The following GIT1 variants were observed in gnomAD, a reference collection of about 807,000 sequenced individuals.
The protein encoded by GIT1 is ARF GTPase-activating protein GIT1.
GIT1 carries 14 observed loss-of-function variants against 91.7 expected under a neutral mutation model. That is an observed-to-expected ratio of 0.15 (90% CI 0.10 to 0.24). The LOEUF is 0.24. Ranked by LOEUF, GIT1 falls within the 10% of genes least tolerant of loss-of-function variation. GIT1 has a pLI of 1.00. For synonymous variants in GIT1, 414 were observed against 418.2 expected (o/e 0.99, Z 0.12); for missense variants, 717 against 1,024.9 (o/e 0.70, Z 4.10).
intron 1 of GIT1, chr17:29,583,898 C>A (rs1230470487): frequency 2.3e-6 from 1 of 442,460 alleles, no homozygotes; most frequent in Non-Finnish European, 4.0e-6. Context: ...TCCTGCCCTG[C>A]AGCCACTGCT....
intron 7 of GIT1, among the ~76,000 whole-genome samples, chr17:29,579,759 T>C (rs2033336276): frequency 1.3e-5 from 2 of 151,746 alleles, no homozygotes; most frequent in East Asian, 3.9e-4. Context: ...TTGCATACAT[T>C]CTTATCTAAT....
intron 10 of GIT1, 52 bp downstream of exon 10, chr17:29,577,593 G>A: frequency 4.3e-6 from 5 of 1,165,788 alleles, no homozygotes; most frequent in Non-Finnish European, 6.5e-6. Context: ...GGATGAGGAG[G>A]GACCGCGGGG....
rs779128622 is a variant in GIT1 at position 29,578,341 on chromosome 17, T to C, written c.841A>G (p.Met281Val). The change falls in exon 9 of 20, where the codon ATG becomes GTG. Residue 281 changes from methionine (M) to valine (V), a missense_variant. Transcript: ENST00000225394. ...LSNRLFEELAMDVYDEVDRRE... is the reference protein window; with the variant it reads ...LSNRLFEELAVDVYDEVDRRE... The stretch of plus-strand genomic sequence containing the variant: ...CGATCCACCTCGTCATACACGTCCA[T>C]GGCGAGTTCCTCAAAAAGCCGGTTG... 5.6e-6 allele frequency: 9 copies of C among 1,614,046 alleles called. No individual in the cohort carries two copies. The highest frequency in any genetic ancestry group is 7.6e-6 in the Non-Finnish European group (9 of 1,180,018).
Position 29,576,008 on chromosome 17 carries a change from G to T in GIT1, c.1665+70C>A. ...CTAATCATCTTAAGCCCCGAATTCA[G>T]CACAGAGCCCAGAACCCCCTGGGGC... On this transcript the variant is annotated intron_variant, in intron 15 of 19. Transcript: ENST00000225394. The T allele has an allele frequency of 4.5e-6, 7 of 1,568,512 alleles. No individual in the cohort carries two copies. The South Asian group carries it at 7.8e-5, about 17-fold the overall frequency.
At position 29,576,430 on chromosome 17, in the gene GIT1, C is replaced by T. The variant is rs2033204171; in HGVS notation, c.1401G>A (p.Glu467=). ...CTGGAGGCTGCCGGAGCTGCAGGTTCTCCGCCTGCAGCTTGTGGATCTATG... is the reference window on the plus strand; with the variant it reads ...CTGGAGGCTGCCGGAGCTGCAGGTTTTCCGCCTGCAGCTTGTGGATCTATG... ...LQREIHKLQA[E]NLQLRQPPGP... is the part of the protein sequence containing the mutation. Residue 467 remains glutamate (E), a synonymous_variant, in exon 14 of 20, where the codon GAG becomes GAA. Coordinates refer to ENST00000225394, the MANE Select transcript of GIT1 (RefSeq NM_014030.4). The T allele has an allele frequency of 6.2e-7, 1 of 1,612,698 alleles. No individual in the cohort carries two copies. Among genetic ancestry groups the T allele is most frequent in the East Asian group, 2.2e-5 (1 of 44,862 alleles).
Position 29,576,350 on chromosome 17 carries a change from G to T in GIT1, c.1481C>A (p.Ala494Glu). The stretch of plus-strand genomic sequence containing the variant: ...CCTGCGGTGTGTGCTCCCGCCTGGC[G>T]CCATGGGTGTGTGTTCCGCCCGTTC... The part of the protein sequence containing the change: ...PSERAEHTPM[A>E]PGGSTHRRDR... The change falls in exon 14 of 20, where the codon GCG becomes GAG. Residue 494 changes from alanine (A) to glutamate (E), a missense_variant. Ala to Glu is a moderately radical substitution (Grantham distance 107). Coordinates refer to ENST00000225394, the MANE Select transcript of GIT1 (RefSeq NM_014030.4). The T allele has an allele frequency of 1.2e-6, 2 of 1,613,292 alleles. No homozygotes were observed. The highest frequency in any genetic ancestry group is 1.7e-6 in the Non-Finnish European group (2 of 1,179,932).
rs746510074 is a variant in GIT1 at position 29,575,190 on chromosome 17, T to A, written c.2010-48A>T. 3 of 1,561,446 alleles carry A rather than the reference T, an allele frequency of 1.9e-6. No homozygotes were observed. In the South Asian group the frequency reaches 3.5e-5, roughly 18 times the overall value. On this transcript the variant is annotated intron_variant, in intron 18 of 19. Transcript: ENST00000225394. The surrounding 1 kb of genome is among the most constrained non-coding windows in gnomAD (Gnocchi z 5.5). ...AAAGCAGGGGGCTCTCAAGGGAGGT[T>A]CCCAGGGACAGCAGAACCCAGGGCC...
Position 29,589,462 on chromosome 17 carries a change from T to A in GIT1, c.-84A>T, listed in dbSNP as rs1259172381. The A allele has an allele frequency of 1.3e-5, 6 of 450,082 alleles. No homozygotes were observed. The highest frequency in any genetic ancestry group is 1.7e-5 in the Non-Finnish European group (6 of 343,520). 27.9% of individuals were successfully genotyped at this position (450,082 alleles called of 1,614,324 possible). Reference sequence around the variant, plus strand: ...CCCGGGCGGCGGCGGCGGCCCCTGCTGCCCGGCCCGGCTCCGGCGAGGCCC... The same window carrying A: ...CCCGGGCGGCGGCGGCGGCCCCTGCAGCCCGGCCCGGCTCCGGCGAGGCCC... On this transcript the variant is annotated 5_prime_UTR_variant, in exon 1 of 20. Coordinates refer to ENST00000225394, the MANE Select transcript of GIT1 (RefSeq NM_014030.4). The surrounding 1 kb of genome is among the most constrained non-coding windows in gnomAD (Gnocchi z 5.2).
At chr17:29,582,177 T>G (rs1357054530) in intron 4 of GIT1, 33 bp from the exon 5 acceptor site, 2 of 1,472,102 alleles carry the variant, frequency 1.4e-6, no homozygotes, top group Admixed American at 3.9e-5. Context: ...TGAATACGCA[T>G]GTGCGTGAGG....
chr17:29,589,364 C>T lies in GIT1; in HGVS notation c.15G>A (p.Gly5=), dbSNP rs1373966896. Residue 5 remains glycine, a synonymous_variant, in exon 1 of 20, where the codon GGG becomes GGA. Coordinates refer to ENST00000225394, the MANE Select transcript of GIT1 (RefSeq NM_014030.4). The surrounding 1 kb of genome is among the most constrained non-coding windows in gnomAD (Gnocchi z 5.2). MSRK[G]PRAEVCADCS... is the part of the protein sequence containing the mutation. ...AGTCCGCACACACCTCCGCTCGCGG[C>T]CCCTTTCGGGACATCCTCAGCGGCG... The T allele has an allele frequency of 4.2e-5, 46 of 1,086,524 alleles. No homozygotes were observed. Among genetic ancestry groups the T allele is most frequent in the Non-Finnish European group, 5.0e-5 (44 of 884,156 alleles). The allele number at this position is 1,086,524 out of a possible 1,614,324, so 67.3% of individuals were successfully genotyped here.
At position 29,581,607 on chromosome 17, in the gene GIT1, A is replaced by C. The variant is rs1213850027; in HGVS notation, c.718+135T>G. On this transcript the variant is annotated intron_variant, in intron 6 of 19. Coordinates refer to ENST00000225394, the MANE Select transcript of GIT1 (RefSeq NM_014030.4). This position sits in a 1 kb window ranked among gnomAD's most constrained non-coding sequence, Gnocchi z 4.8. ...GGCCCAGAGCCTGCAGTAATTTCAC[A>C]GGAGCCAGTTGCCTAGCAACATTGC... The C allele has an allele frequency of 5.5e-6, 4 of 732,268 alleles. No individual in the cohort carries two copies. The highest frequency in any genetic ancestry group is 7.0e-6 in the Non-Finnish European group (3 of 426,522). 45.4% of individuals were successfully genotyped at this position (732,268 alleles called of 1,614,324 possible). A position where few individuals can be genotyped will look rare whatever the true frequency, so the allele number is the denominator to read the frequency against.
Position 29,582,954 on chromosome 17 carries a change from C to A in GIT1, c.270G>T (p.Arg90=). The change falls in exon 3 of 20, where the codon CGG becomes CGT. Residue 90 remains arginine, a synonymous_variant. Transcript: ENST00000225394. The stretch of plus-strand genomic sequence containing the variant: ...CTTTGTCTTGGGGGTTGGCTTTACG[C>A]CGGCCGCTCTGCACTTGTGCGGGGT... ...LLDPAQVQSG[R]RKANPQDKVH... is the part of the protein sequence containing the mutation. The A allele has an allele frequency of 6.2e-7, 1 of 1,612,234 alleles. No individual in the cohort carries two copies. Among genetic ancestry groups the A allele is most frequent in the Non-Finnish European group, 8.5e-7 (1 of 1,179,632 alleles).
In GIT1 at chr17:29,581,210, G is replaced by A. The variant is rs2150842826; in HGVS notation, c.761+128C>T. ...AGCATTAGGGACTGAGGACTAAGCTGTGCCTCTAGTCTCTGGGGGGAGGGA... is the reference window on the plus strand; with the variant it reads ...AGCATTAGGGACTGAGGACTAAGCTATGCCTCTAGTCTCTGGGGGGAGGGA... On this transcript the variant is annotated intron_variant, in intron 7 of 19. Coordinates refer to ENST00000225394, the MANE Select transcript of GIT1 (RefSeq NM_014030.4). This position sits in a 1 kb window ranked among gnomAD's most constrained non-coding sequence, Gnocchi z 4.8. 2 of 735,480 alleles carry A rather than the reference G, an allele frequency of 2.7e-6. No homozygotes were observed. Among genetic ancestry groups the A allele is most frequent in the African/African-American group, 1.7e-5 (1 of 57,952 alleles). 45.6% of individuals were successfully genotyped at this position (735,480 alleles called of 1,614,324 possible). A position where few individuals can be genotyped will look rare whatever the true frequency, so the allele number is the denominator to read the frequency against.
chr17:29,580,247 G>C (rs2033351197), intron 7 of GIT1, among the ~76,000 whole-genome samples: 1 of 152,230 alleles, frequency 6.6e-6, no homozygotes, highest in South Asian at 2.1e-4. Context: ...GTTGAATGGA[G>C]CCCATATTTG....
At chr17:29,577,074 C>G in intron 11 of GIT1, 62 bp downstream of exon 11, 1 of 1,606,184 alleles carries the variant, frequency 6.2e-7, no homozygotes. Flanking sequence ...CAGGGAGAGC[C>G]ATGCAGGAAA....
At position 29,576,208 on chromosome 17, in the gene GIT1, T is replaced by C. The variant is rs762198559; in HGVS notation, c.1611+12A>G. 1.2e-6 allele frequency: 2 copies of C among 1,605,710 alleles called. No homozygotes were observed. Among genetic ancestry groups the C allele is most frequent in the South Asian group, 1.1e-5 (1 of 90,932 alleles). ...CCATCTCCCCACACCTTGAGACCCA[T>C]AGGTGACTCACAGTGCTGTGGAAAG... On this transcript the variant is annotated intron_variant, in intron 14 of 19. Transcript: ENST00000225394.
At chr17:29,578,635 G>T in intron 8 of GIT1, 96 bp downstream of exon 8, 4 of 1,145,508 alleles carry the variant, frequency 3.5e-6, no homozygotes, top group South Asian at 1.2e-5. Context: ...ACTTGGAAAA[G>T]GTCATCGAGT....
intron 10 of GIT1, 49 bp from the exon 11 acceptor site, chr17:29,577,296 G>C (rs1395972415): frequency 5.4e-5 from 78 of 1,445,660 alleles, no homozygotes; most frequent in Non-Finnish European, 7.4e-5. Context: ...CCTTATGACT[G>C]ACGCAGGACG....
In GIT1 at chr17:29,575,588, C is replaced by T. The variant is rs557904654; in HGVS notation, c.1826+42G>A. Reference sequence around the variant, plus strand: ...GGGGGCCCTCTCAACCTCCCCGCCTCGGCATGTGAGCAGGCTGGACTGGAG... The same window carrying T: ...GGGGGCCCTCTCAACCTCCCCGCCTTGGCATGTGAGCAGGCTGGACTGGAG... On this transcript the variant is annotated intron_variant, in intron 17 of 19. Transcript: ENST00000225394. This position sits in a 1 kb window ranked among gnomAD's most constrained non-coding sequence, Gnocchi z 5.5. 1.3e-4 allele frequency: 203 copies of T among 1,591,302 alleles called. 2 individuals are homozygous for T. In the Admixed American group the frequency reaches 3.1e-3, roughly 24 times the overall value.
Sources: allele counts gnomAD v4.1 joint callset (sites outside exome capture counted in the v4.1 genomes callset), GRCh38; gene constraint gnomAD v4.1.1; non-coding constraint Gnocchi (gnomAD v3.1); transcripts MANE v1.5; gene names NCBI Gene and HGNC (gene_info 2026-07-23, HGNC 2026-07-21).